Variants in RIOX1 observed in about 807,000 individuals in gnomAD.
The protein encoded by RIOX1 is ribosomal oxygenase 1.
In RIOX1, 33 loss-of-function variants were observed where a neutral mutation model predicts 44.6. The ratio of observed to expected loss-of-function variants is 0.74; its 90% confidence interval spans 0.56 to 0.99. The LOEUF is 0.99. Ranked by LOEUF, RIOX1 falls within the 50% of genes least tolerant of loss-of-function variation. The pLI is 0.00. For synonymous variants in RIOX1, 387 were observed against 395.8 expected (o/e 0.98, Z 0.26); for missense variants, 821 against 871.7 (o/e 0.94, Z 0.73).
chr14:73,492,289 G>A lies in RIOX1; in HGVS notation c.1272G>A (p.Gln424=), dbSNP rs890515773. The A allele has an allele frequency of 6.2e-6, 10 of 1,613,926 alleles. No individual in the cohort carries two copies. The African/African-American group carries it at 8.0e-5, about 13-fold the overall frequency. ...TGCACCTCACCTTGTCCACGTACCA[G>A]CGCAATACCTGGGGTGACTTCTTAG... The part of the protein sequence containing the change: ...HSLHLTLSTY[Q]RNTWGDFLEA... The change falls in exon 1 of 1, where the codon CAG becomes CAA. Residue 424 remains glutamine, a synonymous_variant. Transcript: ENST00000304061. The surrounding 1 kb of genome is among the most constrained non-coding windows in gnomAD (Gnocchi z 4.9).
At position 73,491,114 on chromosome 14, in the gene RIOX1, C is replaced by T. The variant is rs750940507; in HGVS notation, c.97C>T (p.Pro33Ser). 4.4e-5 allele frequency: 70 copies of T among 1,606,850 alleles called. 1 individual carries two copies. The highest frequency in any genetic ancestry group is 1.5e-4 in the South Asian group (13 of 89,442). ...ACACAGCGGGTCGGTCCTGGCCCTG[C>T]CCTTGAGGTCCAGGAAGATACGAAA... ...QPHSGSVLAL[P>S]LRSRKIRKQL... The change falls in exon 1 of 1, where the codon CCC (proline) becomes TCC (serine). Residue 33 changes from proline (P) to serine (S), a missense_variant. Physicochemically the swap from Pro to Ser is moderately conservative, Grantham distance 74. This residue lies in a region of RIOX1 where 554 missense variants were observed against 531.2 expected (regional missense o/e 1.04). Coordinates refer to ENST00000304061, the MANE Select transcript of RIOX1 (RefSeq NM_024644.5).
chr14:73,491,602 C>A lies in RIOX1; in HGVS notation c.585C>A (p.Ile195=). 1.6e-5 allele frequency: 24 copies of A among 1,546,968 alleles called. No individual in the cohort carries two copies. Among genetic ancestry groups the A allele is most frequent in the Non-Finnish European group, 2.0e-5 (23 of 1,146,356 alleles). Residue 195 remains isoleucine (I), a synonymous_variant, in exon 1 of 1, where the codon ATC becomes ATA. Coordinates refer to ENST00000304061, the MANE Select transcript of RIOX1 (RefSeq NM_024644.5). ...GCGTCTTGGCCGAGCTGAACCGCAT[C>A]CCCAGCAGCCGGCGGCGAGCGGCCC... ...LRRVLAELNR[I]PSSRRRAARL... is the part of the protein sequence containing the mutation.
In RIOX1 at chr14:73,492,006, C is replaced by A; in HGVS notation, c.989C>A (p.Thr330Lys). Reference protein sequence around the residue: ...GSMAGSNVYLTPPNSQGFAPH... With the variant: ...GSMAGSNVYLKPPNSQGFAPH... Reference sequence around the variant, plus strand: ...ATGGCAGGCTCCAACGTTTACCTCACGCCCCCTAACTCGCAGGGCTTTGCC... The same window carrying A: ...ATGGCAGGCTCCAACGTTTACCTCAAGCCCCCTAACTCGCAGGGCTTTGCC... Residue 330 changes from threonine to lysine, a missense_variant, in exon 1 of 1, where the codon ACG becomes AAG. By Grantham distance (78) the Thr-to-Lys change is moderately conservative (BLOSUM62 -1). Around this residue, in one of 2 missense-constraint regions of RIOX1, gnomAD observed 554 missense variants for 531.2 expected, o/e 1.04. Transcript: ENST00000304061. This position sits in a 1 kb window ranked among gnomAD's most constrained non-coding sequence, Gnocchi z 4.9. 6.2e-7 allele frequency: 1 copy of A among 1,613,992 alleles called. No individual in the cohort carries two copies. Among genetic ancestry groups the A allele is most frequent in the Non-Finnish European group, 8.5e-7 (1 of 1,179,902 alleles).
chr14:73,490,955 T>G lies in RIOX1; in HGVS notation c.-63T>G. 1 of 1,288,756 alleles carries G rather than the reference T, an allele frequency of 7.8e-7. No individual in the cohort carries two copies. The highest frequency in any genetic ancestry group is 9.9e-7 in the Non-Finnish European group (1 of 1,012,458). The allele number at this position is 1,288,756 out of a possible 1,614,324, so 79.8% of individuals were successfully genotyped here. ...CCCAGAGTGCACCGCAGCCGCTGCA[T>G]TCAGGAACCGCTTTAGCTTCGCCCC... On this transcript the variant is annotated 5_prime_UTR_variant, in exon 1 of 1. Transcript: ENST00000304061.
chr14:73,491,869 C>G lies in RIOX1; in HGVS notation c.852C>G (p.Ala284=). The G allele has an allele frequency of 6.2e-7, 1 of 1,610,960 alleles. No homozygotes were observed. The highest frequency in any genetic ancestry group is 1.1e-5 in the South Asian group (1 of 90,804). ...TLNPPGRALP[A]AAWSLYQAGC... ...ACCCACCCGGCCGCGCGCTGCCCGC[C>G]GCCGCGTGGTCCCTGTACCAGGCCG... Residue 284 remains alanine, a synonymous_variant, in exon 1 of 1, where the codon GCC becomes GCG. Coordinates refer to ENST00000304061, the MANE Select transcript of RIOX1 (RefSeq NM_024644.5).
chr14:73,490,988 C>G lies in RIOX1; in HGVS notation c.-30C>G. On this transcript the variant is annotated 5_prime_UTR_variant, in exon 1 of 1. Transcript: ENST00000304061. Reference sequence around the variant, plus strand: ...CCGCTTTAGCTTCGCCCCCGGCCGGCCGGGCGGGGAAGACTGGTGTGGTCT... The same window carrying G: ...CCGCTTTAGCTTCGCCCCCGGCCGGGCGGGCGGGGAAGACTGGTGTGGTCT... 7.5e-7 allele frequency: 1 copy of G among 1,334,382 alleles called. No individual in the cohort carries two copies. Among genetic ancestry groups the G allele is most frequent in the Non-Finnish European group, 9.7e-7 (1 of 1,035,732 alleles). The allele number at this position is 1,334,382 out of a possible 1,614,324, so 82.7% of individuals were successfully genotyped here.
In RIOX1 at chr14:73,493,279, G is replaced by T; in HGVS notation, c.*336G>T. 1.6e-6 allele frequency: 1 copy of T among 616,194 alleles called. No homozygotes were observed. Among genetic ancestry groups the T allele is most frequent in the Admixed American group, 3.3e-5 (1 of 30,284 alleles). The allele number at this position is 616,194 out of a possible 1,614,324, so 38.2% of individuals were successfully genotyped here. Reference sequence around the variant, plus strand: ...TGAGACAGATATTAGATTTTTTTTGGAATTTGGATCTTTCATCTGAGTTCT... The same window carrying T: ...TGAGACAGATATTAGATTTTTTTTGTAATTTGGATCTTTCATCTGAGTTCT... On this transcript the variant is annotated 3_prime_UTR_variant, in exon 1 of 1. Coordinates refer to ENST00000304061, the MANE Select transcript of RIOX1 (RefSeq NM_024644.5).
At position 73,492,999 on chromosome 14, in the gene RIOX1, CTTTT is replaced by C. The variant is rs11410201; in HGVS notation, c.*69_*72del. 5.1e-5 allele frequency: 75 copies of C among 1,459,800 alleles called. No individual in the cohort carries two copies. The highest frequency in any genetic ancestry group is 1.9e-4 in the Middle Eastern group (1 of 5,134). 90.4% of individuals were successfully genotyped at this position (1,459,800 alleles called of 1,614,324 possible). The stretch of plus-strand genomic sequence containing the variant: ...AGTGATTCTCCGCTGCCACTGCTAC[CTTTT>C]TTTTTTTTTTTTCCTTAAACTCACG... On this transcript the variant is annotated 3_prime_UTR_variant, in exon 1 of 1. Coordinates refer to ENST00000304061, the MANE Select transcript of RIOX1 (RefSeq NM_024644.5). This position sits in a 1 kb window ranked among gnomAD's most constrained non-coding sequence, Gnocchi z 4.9.
In RIOX1 at chr14:73,493,111, A is replaced by C. The variant is rs1748089303; in HGVS notation, c.*168A>C. ...CACAAACCTCGGAAGGTCTTCTAGG[A>C]AGAACCATCTCATCTAGGTACAAAA... is the stretch of plus-strand genomic sequence containing the variant. On this transcript the variant is annotated 3_prime_UTR_variant, in exon 1 of 1. Coordinates refer to ENST00000304061, the MANE Select transcript of RIOX1 (RefSeq NM_024644.5). The C allele has an allele frequency of 6.2e-7, 1 of 1,613,052 alleles. No homozygotes were observed. Among genetic ancestry groups the C allele is most frequent in the South Asian group, 1.1e-5 (1 of 91,052 alleles).
rs373594630 is a variant in RIOX1, at chr14:73,491,932, T to A, written c.915T>A (p.Ser305=). 1.9e-5 allele frequency: 31 copies of A among 1,613,664 alleles called. No individual in the cohort carries two copies. The highest frequency in any genetic ancestry group is 2.6e-5 in the Non-Finnish European group (31 of 1,179,828). ...GTCTCCTCTGTCCGCAGGCTTTCTCTACTACTGTGTGGCAGTTTTTGGCTG... is the reference window on the plus strand; with the variant it reads ...GTCTCCTCTGTCCGCAGGCTTTCTCAACTACTGTGTGGCAGTTTTTGGCTG... ...SLRLLCPQAF[S]TTVWQFLAVL... Residue 305 remains serine, a synonymous_variant, in exon 1 of 1, where the codon TCT becomes TCA. Transcript: ENST00000304061.
chr14:73,491,776 C>G lies in RIOX1; in HGVS notation c.759C>G (p.Asn253Lys). The change falls in exon 1 of 1, where the codon AAC (asparagine) becomes AAG (lysine). Residue 253 changes from asparagine to lysine, a missense_variant. This residue lies in a region of RIOX1 where 554 missense variants were observed against 531.2 expected (regional missense o/e 1.04). Coordinates refer to ENST00000304061, the MANE Select transcript of RIOX1 (RefSeq NM_024644.5). ...CTGACCTGGATTCGATGCTGCGCAA[C>G]GAGGAGGTGCAGTTCGGCCAGCATT... ...STADLDSMLR[N>K]EEVQFGQHLD... 6.4e-7 allele frequency: 1 copy of G among 1,573,892 alleles called. No individual in the cohort carries two copies. The highest frequency in any genetic ancestry group is 8.6e-7 in the Non-Finnish European group (1 of 1,160,476).
Position 73,491,578 on chromosome 14 carries a change from C to T in RIOX1, c.561C>T (p.Arg187=). 1.3e-6 allele frequency: 2 copies of T among 1,543,396 alleles called. No individual in the cohort carries two copies. Among genetic ancestry groups the T allele is most frequent in the Non-Finnish European group, 1.7e-6 (2 of 1,145,390 alleles). Residue 187 remains arginine (R), a synonymous_variant, in exon 1 of 1, where the codon CGC becomes CGT. Coordinates refer to ENST00000304061, the MANE Select transcript of RIOX1 (RefSeq NM_024644.5). Reference sequence around the variant, plus strand: ...CGGCCTGGGACTCCCCGCTGCGGCGCGTCTTGGCCGAGCTGAACCGCATCC... The same window carrying T: ...CGGCCTGGGACTCCCCGCTGCGGCGTGTCTTGGCCGAGCTGAACCGCATCC... ...GEPAWDSPLR[R]VLAELNRIPS...
rs1278775255 is a variant in RIOX1 at position 73,492,431 on chromosome 14, C to T, written c.1414C>T (p.Pro472Ser). Residue 472 changes from proline to serine, a missense_variant, in exon 1 of 1, where the codon CCG becomes TCG. Pro to Ser is a moderately conservative substitution (Grantham distance 74). Around this residue, in one of 2 missense-constraint regions of RIOX1, gnomAD observed 267 missense variants for 340.5 expected, o/e 0.78. Coordinates refer to ENST00000304061, the MANE Select transcript of RIOX1 (RefSeq NM_024644.5). The surrounding 1 kb of genome is among the most constrained non-coding windows in gnomAD (Gnocchi z 4.9). Reference protein sequence around the residue: ...MGAQHSDSKDPRRTAFMEKVR... With the variant: ...MGAQHSDSKDSRRTAFMEKVR... ...GGCCCAGCATTCAGATTCTAAGGAT[C>T]CGCGAAGAACCGCTTTCATGGAGAA... 5.0e-6 allele frequency: 8 copies of T among 1,613,548 alleles called. No homozygotes were observed. Among genetic ancestry groups the T allele is most frequent in the Non-Finnish European group, 6.8e-6 (8 of 1,179,742 alleles).
Position 73,491,473 on chromosome 14 carries a change from G to A in RIOX1, c.456G>A (p.Ala152=). The A allele has an allele frequency of 1.3e-6, 2 of 1,491,044 alleles. No homozygotes were observed. Among genetic ancestry groups the A allele is most frequent in the Non-Finnish European group, 1.8e-6 (2 of 1,126,934 alleles). 92.4% of individuals were successfully genotyped at this position (1,491,044 alleles called of 1,614,324 possible). Residue 152 remains alanine, a synonymous_variant, in exon 1 of 1, where the codon GCG becomes GCA. Coordinates refer to ENST00000304061, the MANE Select transcript of RIOX1 (RefSeq NM_024644.5). Reference sequence around the variant, plus strand: ...AGACCTCGGCCCTGCTGTGCACCGCGCAACACTTAGCGGCCGTCCAGTCGT... The same window carrying A: ...AGACCTCGGCCCTGCTGTGCACCGCACAACACTTAGCGGCCGTCCAGTCGT... ...VVETSALLCT[A]QHLAAVQSSG... is the part of the protein sequence containing the mutation.
Position 73,492,737 on chromosome 14 carries a change from T to C in RIOX1, c.1720T>C (p.Ser574Pro), listed in dbSNP as rs754132267. 8.7e-6 allele frequency: 14 copies of C among 1,613,924 alleles called. No homozygotes were observed. In the East Asian group the frequency reaches 2.9e-4, roughly 33 times the overall value. ...GTTTCTCTATTACACAGTGGAAAAC[T>C]CCCGTGTGTATCATCTGGAAGAACC... is the stretch of plus-strand genomic sequence containing the variant. ...HLFLYYTVENSRVYHLEEPKC... is the reference protein window; with the variant it reads ...HLFLYYTVENPRVYHLEEPKC... Residue 574 changes from serine to proline, a missense_variant, in exon 1 of 1, where the codon TCC becomes CCC. Ser to Pro is a moderately conservative substitution (Grantham distance 74). Coordinates refer to ENST00000304061, the MANE Select transcript of RIOX1 (RefSeq NM_024644.5). The surrounding 1 kb of genome is among the most constrained non-coding windows in gnomAD (Gnocchi z 4.9).
In RIOX1 at chr14:73,492,110, C is replaced by G; in HGVS notation, c.1093C>G (p.Pro365Ala). The G allele has an allele frequency of 6.2e-7, 1 of 1,613,924 alleles. No homozygotes were observed. The highest frequency in any genetic ancestry group is 8.5e-7 in the Non-Finnish European group (1 of 1,179,822). ...CTGGCGTGTATACCGACCCCGAGTC[C>G]CAACCGAGGAACTGGCTCTGACATC... ...KLWRVYRPRV[P>A]TEELALTSSP... Residue 365 changes from proline to alanine, a missense_variant, in exon 1 of 1, where the codon CCA becomes GCA. Around this residue, in one of 2 missense-constraint regions of RIOX1, gnomAD observed 554 missense variants for 531.2 expected, o/e 1.04. Coordinates refer to ENST00000304061, the MANE Select transcript of RIOX1 (RefSeq NM_024644.5). This position sits in a 1 kb window ranked among gnomAD's most constrained non-coding sequence, Gnocchi z 4.9.
chr14:73,492,044 G>C lies in RIOX1; in HGVS notation c.1027G>C (p.Asp343His). Residue 343 changes from aspartate to histidine, a missense_variant, in exon 1 of 1, where the codon GAC (aspartate) becomes CAC (histidine). By Grantham distance (81) the Asp-to-His change is moderately conservative. Transcript: ENST00000304061. The surrounding 1 kb of genome is among the most constrained non-coding windows in gnomAD (Gnocchi z 4.9). ...GCAGGGCTTTGCCCCCCACTACGACGACATCGAGGCCTTCGTGCTGCAGCT... is the reference window on the plus strand; with the variant it reads ...GCAGGGCTTTGCCCCCCACTACGACCACATCGAGGCCTTCGTGCTGCAGCT... ...NSQGFAPHYD[D>H]IEAFVLQLEG... The C allele has an allele frequency of 6.2e-7, 1 of 1,613,950 alleles. No homozygotes were observed. The highest frequency in any genetic ancestry group is 8.5e-7 in the Non-Finnish European group (1 of 1,179,886).
At position 73,491,961 on chromosome 14, in the gene RIOX1, T is replaced by C. The variant is rs1482069448; in HGVS notation, c.944T>C (p.Leu315Pro). 1 of 1,613,938 alleles carries C rather than the reference T, an allele frequency of 6.2e-7. No individual in the cohort carries two copies. The highest frequency in any genetic ancestry group is 8.5e-7 in the Non-Finnish European group (1 of 1,179,872). ...ACTGTGTGGCAGTTTTTGGCTGTGC[T>C]TCAAGAGCAGTTTGGAAGCATGGCA... Reference protein sequence around the residue: ...STTVWQFLAVLQEQFGSMAGS... With the variant: ...STTVWQFLAVPQEQFGSMAGS... The change falls in exon 1 of 1, where the codon CTT becomes CCT. Residue 315 changes from leucine (L) to proline (P), a missense_variant. Leu to Pro is a moderately conservative substitution (Grantham distance 98). This residue lies in a region of RIOX1 where 554 missense variants were observed against 531.2 expected (regional missense o/e 1.04). Transcript: ENST00000304061.
In RIOX1 at chr14:73,492,389, T is replaced by C. The variant is rs1654559999; in HGVS notation, c.1372T>C (p.Phe458Leu). 1 of 1,613,718 alleles carries C rather than the reference T, an allele frequency of 6.2e-7. No homozygotes were observed. Among genetic ancestry groups the C allele is most frequent in the Non-Finnish European group, 8.5e-7 (1 of 1,179,808 alleles). ...VEFRRGLPRD[F>L]MDYMGAQHSD... Reference sequence around the variant, plus strand: ...GTTTCGGAGGGGTCTGCCCCGAGACTTCATGGATTACATGGGGGCCCAGCA... The same window carrying C: ...GTTTCGGAGGGGTCTGCCCCGAGACCTCATGGATTACATGGGGGCCCAGCA... Residue 458 changes from phenylalanine to leucine, a missense_variant, in exon 1 of 1, where the codon TTC (phenylalanine) becomes CTC (leucine). This residue lies in a region of RIOX1 where 267 missense variants were observed against 340.5 expected (regional missense o/e 0.78). Coordinates refer to ENST00000304061, the MANE Select transcript of RIOX1 (RefSeq NM_024644.5). The surrounding 1 kb of genome is among the most constrained non-coding windows in gnomAD (Gnocchi z 4.9).
Sources: gnomAD v4.1 joint callset for allele counts on GRCh38, gnomAD v4.1.1 for gene constraint, gnomAD v4.1.1 regional missense constraint, Gnocchi (gnomAD v3.1) non-coding constraint, MANE v1.5 for transcripts, NCBI Gene and HGNC (gene_info 2026-07-23, HGNC 2026-07-21) for gene names.